THAP2: variants seen among roughly 807,000 people sequenced by gnomAD.
The protein encoded by THAP2 is THAP domain-containing protein 2.
In THAP2, 16 loss-of-function variants were observed where a neutral mutation model predicts 18.8. The ratio of observed to expected loss-of-function variants is 0.85; its 90% CI spans 0.58 to 1.29. The LOEUF is 1.29. Among genes scored for constraint, THAP2 ranks in the 50% most tolerant of loss-of-function variants. The pLI is 0.00. For synonymous variants in THAP2, 80 were observed against 89.2 expected (o/e 0.90, Z 0.58); for missense variants, 251 against 265.3 (o/e 0.95, Z 0.38).
In THAP2 at chr12:71,665,005, T is replaced by C. The variant is rs776110671; in HGVS notation, c.71+425T>C. 43 of 702,150 alleles carry C rather than the reference T, an allele frequency of 6.1e-5. No individual in the cohort carries two copies. The Middle Eastern group carries it at 3.0e-3, about 49-fold the overall frequency. The allele number at this position is 702,150 out of a possible 1,614,324, so 43.5% of individuals were successfully genotyped here. On this transcript the variant is annotated intron_variant, in intron 1 of 2. Coordinates refer to ENST00000308086, the MANE Select transcript of THAP2 (RefSeq NM_031435.4). ...AATTGACATGGGAGGCATTTAGATT[T>C]CTAATAGTCACATAGTAATTCTGCG... is the stretch of plus-strand genomic sequence containing the variant.
intron 1 of THAP2, chr12:71,665,813 T>C (rs955806165): frequency 2.0e-5 from 3 of 152,224 alleles, no homozygotes; most frequent in Non-Finnish European, 4.4e-5. Flanking sequence ...GATTTGCATA[T>C]TGAAAAGTCC....
rs889331329 is a variant in THAP2 at position 71,678,569 on chromosome 12, T to G, written c.*1461T>G. 6.6e-6 allele frequency: 1 copy of G among 152,242 alleles called. No homozygotes were observed. The highest frequency in any genetic ancestry group is 6.5e-5 in the Admixed American group (1 of 15,278). The allele number at this position is 152,242 out of a possible 1,614,324, so 9.4% of individuals were successfully genotyped here. ...AATCAAGTTATTTAACTCAACTTATTTAATTCAAGCTTGTGATACTAACAT... is the reference window on the plus strand; with the variant it reads ...AATCAAGTTATTTAACTCAACTTATGTAATTCAAGCTTGTGATACTAACAT... On this transcript the variant is annotated 3_prime_UTR_variant, in exon 3 of 3. Coordinates refer to ENST00000308086, the MANE Select transcript of THAP2 (RefSeq NM_031435.4).
chr12:71,669,060 A>G (rs966531374), intron 1 of THAP2, among the ~76,000 whole-genome samples: 11 of 152,238 alleles, frequency 7.2e-5, no homozygotes, highest in Non-Finnish European at 1.5e-4. Flanking sequence ...AAAGACTAGT[A>G]GTGCTGAGTT....
intron 1 of THAP2, among the ~76,000 whole-genome samples, chr12:71,671,531 A>AT (rs1881438797): frequency 6.6e-6 from 1 of 152,170 alleles, no homozygotes. Context: ...CTCATTCATG[A>AT]TTTCCCTTAT....
rs951986113 is a variant in THAP2 at position 71,665,039 on chromosome 12, G to A, written c.71+459G>A. ...CACATAGTAATTCTGCGGAGGAATT[G>A]AGTCATCTTTGATAGCCATGGAATT... On this transcript the variant is annotated intron_variant, in intron 1 of 2. Transcript: ENST00000308086. 4.3e-6 allele frequency: 3 copies of A among 697,908 alleles called. No individual in the cohort carries two copies. In the African/African-American group the frequency reaches 5.3e-5, roughly 12 times the overall value. The allele number at this position is 697,908 out of a possible 1,614,324, so 43.2% of individuals were successfully genotyped here.
intron 1 of THAP2, among the ~76,000 whole-genome samples, chr12:71,668,415 A>G (rs1456268873): frequency 1.3e-5 from 2 of 152,092 alleles, no homozygotes; most frequent in Non-Finnish European, 2.9e-5. Context: ...ACATTTTTTC[A>G]TTTAATCCTT....
intron 1 of THAP2, among the ~76,000 whole-genome samples, chr12:71,669,085 A>T (rs1379825055): frequency 6.6e-6 from 1 of 152,236 alleles, no homozygotes; most frequent in Non-Finnish European, 1.5e-5. Context: ...CCATTAGTTC[A>T]TTCATTCATT....
rs1356786644 is a variant in THAP2, at chr12:71,664,515, G to A, written c.6G>A (p.Pro2=). 1 of 1,614,118 alleles carries A rather than the reference G, an allele frequency of 6.2e-7. No individual in the cohort carries two copies. The highest frequency in any genetic ancestry group is 8.5e-7 in the Non-Finnish European group (1 of 1,180,020). Residue 2 remains proline (P), a synonymous_variant, in exon 1 of 3, where the codon CCG becomes CCA. Transcript: ENST00000308086. The stretch of plus-strand genomic sequence containing the variant: ...TGAATGAGTGGGAAAGGGAAATGCC[G>A]ACCAATTGCGCTGCGGCGGGCTGTG... M[P]TNCAAAGCAT... is the part of the protein sequence containing the mutation.
intron 1 of THAP2, among the ~76,000 whole-genome samples, chr12:71,670,955 ATT>A (rs909627756): frequency 2.7e-5 from 4 of 150,578 alleles, no homozygotes; most frequent in African/African-American, 9.7e-5. Context: ...AAAAAAAAAA[ATT>A]AAGAGAAAAT....
intron 1 of THAP2, among the ~76,000 whole-genome samples, chr12:71,666,588 T>C (rs563076622): frequency 1.3e-5 from 2 of 152,294 alleles, no homozygotes; most frequent in African/African-American, 4.8e-5. Flanking sequence ...TTGCCTACTA[T>C]GAATTTAACA....
At chr12:71,673,221 G>T (rs923179783) in intron 1 of THAP2, among the ~76,000 whole-genome samples, 1 of 152,012 alleles carries the variant, frequency 6.6e-6, no homozygotes. Context: ...ATATTTCATG[G>T]TAGTAAATGA....
intron 1 of THAP2, among the ~76,000 whole-genome samples, chr12:71,671,795 T>G (rs1881443465): frequency 6.6e-6 from 1 of 152,212 alleles, no homozygotes; most frequent in African/African-American, 2.4e-5. Context: ...AGAAGTTGAA[T>G]TAAAGACATT....
At chr12:71,667,586 C>T (rs941213439) in intron 1 of THAP2, 3 of 152,282 alleles carry the variant, frequency 2.0e-5, no homozygotes, top group African/African-American at 7.2e-5. Flanking sequence ...TGGAAGTCTT[C>T]CTCCCTTGAC....
At chr12:71,669,040 C>T (rs1881389732) in intron 1 of THAP2, among the ~76,000 whole-genome samples, 1 of 152,166 alleles carries the variant, frequency 6.6e-6, no homozygotes, top group South Asian at 2.1e-4. Flanking sequence ...TTGTTCAGCA[C>T]AGAAAATCTA....
In THAP2 at chr12:71,676,920, A is replaced by G; in HGVS notation, c.499A>G (p.Ile167Val). The G allele has an allele frequency of 6.2e-7, 1 of 1,613,870 alleles. No homozygotes were observed. ...QKERRATRRW[I>V]KATCLVKNLE... is the part of the protein sequence containing the mutation. ...GGAACGCAGAGCAACTCGAAGATGG[A>G]TCAAAGCCACGTGTTTGGTAAAGAA... is the stretch of plus-strand genomic sequence containing the variant. The change falls in exon 3 of 3, where the codon ATC becomes GTC. Residue 167 changes from isoleucine (I) to valine (V), a missense_variant. Ile to Val is a conservative substitution (Grantham distance 29). Transcript: ENST00000308086.
At chr12:71,675,045 A>G (rs747324727) in intron 2 of THAP2, among the ~76,000 whole-genome samples, 25 of 152,152 alleles carry the variant, frequency 1.6e-4, no homozygotes, top group Admixed American at 8.5e-4. Flanking sequence ...TATAAGATGA[A>G]TGAATTAAAA....
In THAP2 at chr12:71,664,370, C is replaced by T. The variant is rs1354778469; in HGVS notation, c.-140C>T. 1.0e-5 allele frequency: 10 copies of T among 993,266 alleles called. No individual in the cohort carries two copies. The highest frequency in any genetic ancestry group is 4.8e-5 in the African/African-American group (3 of 62,510). 61.5% of individuals were successfully genotyped at this position (993,266 alleles called of 1,614,324 possible). On this transcript the variant is annotated 5_prime_UTR_variant, in exon 1 of 3. Coordinates refer to ENST00000308086, the MANE Select transcript of THAP2 (RefSeq NM_031435.4). ...CGCCTCCGCCCCCACATACACACCC[C>T]TTCTTCCCACTCCGCTCTCACGACT...
Position 71,664,518 on chromosome 12 carries a change from C to G in THAP2, c.9C>G (p.Thr3=), listed in dbSNP as rs1249146571. The G allele has an allele frequency of 6.2e-7, 1 of 1,614,044 alleles. No individual in the cohort carries two copies. Residue 3 remains threonine (T), a synonymous_variant, in exon 1 of 3, where the codon ACC becomes ACG. Transcript: ENST00000308086. MP[T]NCAAAGCATT... is the part of the protein sequence containing the mutation. ...ATGAGTGGGAAAGGGAAATGCCGAC[C>G]AATTGCGCTGCGGCGGGCTGTGCCA...
At chr12:71,671,636 A>G (rs988761643) in intron 1 of THAP2, among the ~76,000 whole-genome samples, 1 of 152,144 alleles carries the variant, frequency 6.6e-6, no homozygotes, top group African/African-American at 2.4e-5. Context: ...TTCTTTCACC[A>G]CTTTTTCTGT....
Sources: gnomAD v4.1 joint callset for allele counts (sites outside exome capture counted in the v4.1 genomes callset) on GRCh38, gnomAD v4.1.1 for gene constraint, MANE v1.5 for transcripts, NCBI Gene and HGNC (gene_info 2026-07-23, HGNC 2026-07-21) for gene names.